The following ITPKB variants were observed in gnomAD, a reference collection of about 807,000 sequenced individuals.
ITPKB encodes IP3 3-kinase B.
ITPKB carries 13 observed loss-of-function variants against 69.4 expected under a neutral mutation model. That is an observed-to-expected ratio of 0.19 (90% CI 0.12 to 0.30). The LOEUF (loss-of-function observed/expected upper bound fraction) is 0.30. Ranked by LOEUF, ITPKB falls within the 10% of genes least tolerant of loss-of-function variation. The probability of loss-of-function intolerance (pLI) is 1.00; values close to 1 mark genes in which losing one functional copy is unlikely to be tolerated. For synonymous variants in ITPKB, 584 were observed against 513.7 expected, an observed-to-expected ratio of 1.14 and a Z score of -1.85; for missense variants, 1,240 against 1,250.5, an observed-to-expected ratio of 0.99 and a Z score of 0.13.
At chr1:226,725,594 G>A (rs1388988872) in intron 2 of ITPKB, among the ~76,000 whole-genome samples, 1 of 152,204 alleles carries the variant, frequency 6.6e-6, no homozygotes, top group Non-Finnish European at 1.5e-5. Context: ...ACTCTAGAGT[G>A]CAGTGCAGTC....
intron 7 of ITPKB, among the ~76,000 whole-genome samples, chr1:226,636,391 G>C (rs751761281): frequency 2.6e-5 from 4 of 152,246 alleles, no homozygotes; most frequent in Non-Finnish European, 4.4e-5. Context: ...TCCTCTCTGG[G>C]TGTGCCACCC....
chr1:226,650,694 G>A (rs1051279595), intron 2 of ITPKB, among the ~76,000 whole-genome samples: 37 of 152,248 alleles, frequency 2.4e-4, no homozygotes, highest in Non-Finnish European at 1.9e-4. Flanking sequence ...AGAGAGGACA[G>A]GGGCTGACAG....
At chr1:226,700,190 G>T (rs1263983327) in intron 2 of ITPKB, among the ~76,000 whole-genome samples, 2 of 152,034 alleles carry the variant, frequency 1.3e-5, no homozygotes, top group Non-Finnish European at 2.9e-5. Context: ...TTTGCAACTG[G>T]CCAGACACGG....
At chr1:226,712,966 C>T (rs1657007296) in intron 2 of ITPKB, among the ~76,000 whole-genome samples, 1 of 151,672 alleles carries the variant, frequency 6.6e-6, no homozygotes, top group Non-Finnish European at 1.5e-5. Context: ...CGCATGTGCC[C>T]ACCCACACTT....
At chr1:226,722,931 C>G (rs575348665) in intron 2 of ITPKB, among the ~76,000 whole-genome samples, 21 of 152,312 alleles carry the variant, frequency 1.4e-4, no homozygotes, top group African/African-American at 4.6e-4. Context: ...TGCAGGCTAC[C>G]TGCTCCCCCT....
chr1:226,717,957 C>T (rs560220066), intron 2 of ITPKB, among the ~76,000 whole-genome samples: 3 of 152,320 alleles, frequency 2.0e-5, no homozygotes, highest in East Asian at 1.9e-4. Flanking sequence ...CAGAAGGAGA[C>T]GGTAAATAAG....
intron 2 of ITPKB, among the ~76,000 whole-genome samples, chr1:226,699,566 A>C (rs565150401): frequency 6.6e-6 from 1 of 152,348 alleles, no homozygotes; most frequent in East Asian, 1.9e-4. Context: ...CATTAGGAGG[A>C]CTAAATAAGC....
At position 226,671,742 on chromosome 1, in the gene ITPKB, A is replaced by G. The variant is rs373681728; in HGVS notation, c.1933-22971T>C. On this transcript the variant is annotated intron_variant, in intron 2 of 7. Transcript: ENST00000429204. Reference sequence around the variant, plus strand: ...GTGAGGGGCTGAGCCATACACAGGCAGAGGGTATGGCACTGCAGACAGAGG... The same window carrying G: ...GTGAGGGGCTGAGCCATACACAGGCGGAGGGTATGGCACTGCAGACAGAGG... Among the ~76,000 whole-genome samples the G allele has an allele frequency of 1.7e-3, 256 of 152,318 alleles. 2 individuals are homozygous for G. Among genetic ancestry groups the G allele is most frequent in the African/African-American group, 6.0e-3 (249 of 41,580 alleles).
rs1188566089 is a variant in ITPKB, at chr1:226,689,048, G to A, written c.1933-40277C>T. On this transcript the variant is annotated intron_variant, in intron 2 of 7. Coordinates refer to ENST00000429204, the MANE Select transcript of ITPKB (RefSeq NM_002221.4). ...ATCAACACAGCCCTCTCCAAGGAGA[G>A]ACGTTTAGCTTTATGAAAATTCCTA... Among the ~76,000 whole-genome samples, 7 of 152,278 alleles carry A rather than the reference G, an allele frequency of 4.6e-5. No individual in the cohort carries two copies. In the South Asian group the frequency reaches 8.3e-4, roughly 18 times the overall value.
chr1:226,664,597 T>A (rs1669463296), intron 2 of ITPKB, among the ~76,000 whole-genome samples: 1 of 152,112 alleles, frequency 6.6e-6, no homozygotes, highest in Admixed American at 6.5e-5. Context: ...ACTGTTAACA[T>A]CATTTCTAGG....
At chr1:226,703,084 T>G (rs1656706357) in intron 2 of ITPKB, among the ~76,000 whole-genome samples, 1 of 152,156 alleles carries the variant, frequency 6.6e-6, no homozygotes, top group Non-Finnish European at 1.5e-5. Context: ...GATTCCACTT[T>G]GCCTGCCAAG....
chr1:226,688,912 C>G (rs562401948), intron 2 of ITPKB, among the ~76,000 whole-genome samples: 1 of 152,256 alleles, frequency 6.6e-6, no homozygotes, highest in South Asian at 2.1e-4. Context: ...TTTTCCCCCC[C>G]AACAAACAAG....
rs755736300 is a variant in ITPKB at position 226,737,359 on chromosome 1, G to A, written c.100C>T (p.Pro34Ser). 10 of 1,606,042 alleles carry A rather than the reference G, an allele frequency of 6.2e-6. No homozygotes were observed. The highest frequency in any genetic ancestry group is 1.7e-5 in the Admixed American group (1 of 59,860). The change falls in exon 2 of 8, where the codon CCC becomes TCC. Residue 34 changes from proline to serine, a missense_variant. Pro to Ser is a moderately conservative substitution (Grantham distance 74). This residue lies in a region of ITPKB where 992 missense variants were observed against 853.8 expected (regional missense o/e 1.16). Coordinates refer to ENST00000429204, the MANE Select transcript of ITPKB (RefSeq NM_002221.4). ...GGPGPSGSETPPPPRRAVLSP... is the reference protein window; with the variant it reads ...GGPGPSGSETSPPPRRAVLSP... ...AGCACTGCCCTCCTCGGGGGCGGGG[G>A]CGTCTCGCTGCCACTGGGCCCCGGG...
chr1:226,735,481 G>A, intron 2 of ITPKB, 46 bp downstream of exon 2: 1 of 1,455,910 alleles, frequency 6.9e-7, no homozygotes, highest in Non-Finnish European at 9.1e-7. Flanking sequence ...TCAAAAGTCT[G>A]CTGAAATCAG....
intron 2 of ITPKB, among the ~76,000 whole-genome samples, chr1:226,701,621 A>AAC (rs898387154): frequency 7.3e-5 from 11 of 151,396 alleles, no homozygotes; most frequent in African/African-American, 2.7e-4. Flanking sequence ...AAAAAAAAAA[A>AAC]AAAAAAAAAA....
chr1:226,729,469 G>A (rs1156694448), intron 2 of ITPKB, among the ~76,000 whole-genome samples: 3 of 126,340 alleles, frequency 2.4e-5, no homozygotes, highest in Admixed American at 9.0e-5. Flanking sequence ...GTGACAGAGC[G>A]AGACTCCACC....
chr1:226,726,047 T>C (rs1366746591), intron 2 of ITPKB, among the ~76,000 whole-genome samples: 1 of 152,212 alleles, frequency 6.6e-6, no homozygotes, highest in African/African-American at 2.4e-5. Flanking sequence ...TAAAAACTCA[T>C]TTAGGCAGGA....
At chr1:226,662,162 C>G (rs1249139956) in intron 2 of ITPKB, among the ~76,000 whole-genome samples, 7 of 152,196 alleles carry the variant, frequency 4.6e-5, no homozygotes, top group Admixed American at 4.6e-4. Flanking sequence ...ATAAGTAACT[C>G]TGCCTGTTCC....
At position 226,730,108 on chromosome 1, in the gene ITPKB, T is replaced by C. The variant is rs1482874318; in HGVS notation, c.1932+5419A>G. On this transcript the variant is annotated intron_variant, in intron 2 of 7. Coordinates refer to ENST00000429204, the MANE Select transcript of ITPKB (RefSeq NM_002221.4). ...AATGAAGAGCTGTCTGGCAGAACTT[T>C]AGCTAGTCAAATTTGACTACAAGGT... Among the ~76,000 whole-genome samples the C allele has an allele frequency of 2.0e-5, 3 of 152,334 alleles. No homozygotes were observed. The South Asian group carries it at 6.2e-4, about 32-fold the overall frequency.
Sources: allele counts gnomAD v4.1 joint callset (sites outside exome capture counted in the v4.1 genomes callset), GRCh38; gene constraint gnomAD v4.1.1; regional missense constraint gnomAD v4.1.1; transcripts MANE v1.5; gene names NCBI Gene and HGNC (gene_info 2026-07-23, HGNC 2026-07-21).